Variants in CELF2 observed in about 807,000 individuals in gnomAD.
CELF2 encodes the protein CUGBP Elav-like family member 2, also known as CUG triplet repeat RNA-binding protein 2.
Under a neutral mutation model 62.6 loss-of-function variants are expected in CELF2, and 8 were observed. The ratio of observed to expected loss-of-function variants is 0.13; its 90% confidence interval spans 0.07 to 0.23. The LOEUF (loss-of-function observed/expected upper bound fraction) is 0.23. Among genes scored for constraint, CELF2 ranks in the 10% least tolerant of loss-of-function variants. The probability of loss-of-function intolerance (pLI) is 1.00; values close to 1 mark genes in which losing one functional copy is unlikely to be tolerated. For missense variants in CELF2, 333 were observed against 671.0 expected, an observed-to-expected ratio of 0.50 and a Z score of 5.56; for synonymous variants, 258 against 250.0, an observed-to-expected ratio of 1.03 and a Z score of -0.30.
At chr10:10,531,339 C>T in the CELF2 span, among the ~76,000 whole-genome samples, 1 of 152,150 alleles carries the variant, frequency 6.6e-6, no homozygotes, top group Non-Finnish European at 1.5e-5. Context: ...GTAACAGCAG[C>T]CCCCAGGTGA....
chr10:11,201,411 T>G (rs568071487), intron 2 of CELF2, among the ~76,000 whole-genome samples: 12 of 152,130 alleles, frequency 7.9e-5, no homozygotes, highest in East Asian at 7.7e-4. Context: ...TCTTTGGTTT[T>G]TGTGTGTGTG....
chr10:11,321,980 T>C lies in CELF2; in HGVS notation c.1294+594T>C, dbSNP rs565323657. On this transcript the variant is annotated intron_variant, in intron 11 of 12. Transcript: ENST00000633077. The surrounding 1 kb of genome is among the most constrained non-coding windows in gnomAD (Gnocchi z 6.2). ...CTCACCCCCTGCCATAATTAAGTTC[T>C]ATAAACTATTAATTTCCCATAAACT... Among the ~76,000 whole-genome samples, 20 of 152,368 alleles carry C rather than the reference T, an allele frequency of 1.3e-4. No individual in the cohort carries two copies. Among genetic ancestry groups the C allele is most frequent in the African/African-American group, 3.8e-4 (16 of 41,582 alleles).
At chr10:11,042,752 G>T (rs1473623346) in intron 1 of CELF2, among the ~76,000 whole-genome samples, 1 of 151,966 alleles carries the variant, frequency 6.6e-6, no homozygotes, top group Non-Finnish European at 1.5e-5. Flanking sequence ...AACTGGATTT[G>T]CCTGTTACAT....
At chr10:10,707,651 C>T in the CELF2 span, among the ~76,000 whole-genome samples, 1 of 152,140 alleles carries the variant, frequency 6.6e-6, no homozygotes, top group Non-Finnish European at 1.5e-5. Flanking sequence ...GAAGCAGAAG[C>T]GGACGAAATG....
the CELF2 span, among the ~76,000 whole-genome samples, chr10:10,651,040 G>A: frequency 7.2e-5 from 11 of 151,912 alleles, no homozygotes; most frequent in African/African-American, 2.4e-4. Flanking sequence ...GAAGCAGGGC[G>A]AGGCATTGCC....
chr10:10,617,599 C>T, the CELF2 span, among the ~76,000 whole-genome samples: 32 of 152,094 alleles, frequency 2.1e-4, no homozygotes, highest in Middle Eastern at 6.8e-3. Flanking sequence ...TTAACCCAGA[C>T]CATCTGGCTG....
intron 1 of CELF2, among the ~76,000 whole-genome samples, chr10:11,138,016 G>A (rs1328631868): frequency 6.6e-6 from 1 of 152,098 alleles, no homozygotes; most frequent in East Asian, 1.9e-4. Flanking sequence ...CAATAAAAAT[G>A]GGGGAAAAAC....
At chr10:10,642,132 A>T in the CELF2 span, among the ~76,000 whole-genome samples, 1 of 152,242 alleles carries the variant, frequency 6.6e-6, no homozygotes, top group Admixed American at 6.5e-5. Flanking sequence ...CAGATATAGC[A>T]TGAAGAGCAG....
the CELF2 span, among the ~76,000 whole-genome samples, chr10:10,625,373 C>T: frequency 1.3e-5 from 2 of 152,332 alleles, no homozygotes; most frequent in South Asian, 2.1e-4. Flanking sequence ...GCATTTGATG[C>T]TCACGGCAAC....
At chr10:10,809,852 G>A (rs1049879450) in intron 1 of CELF2, among the ~76,000 whole-genome samples, 10 of 151,966 alleles carry the variant, frequency 6.6e-5, no homozygotes, top group African/African-American at 2.4e-4. Context: ...TATGTGACTG[G>A]TAAACTCAAG....
rs1351147242 is a variant in CELF2, at chr10:11,177,547, T to C, written c.271+11865T>C. 6.6e-6 allele frequency among the ~76,000 whole-genome samples: 1 copy of C among 152,110 alleles called. No homozygotes were observed. Among genetic ancestry groups the C allele is most frequent in the Non-Finnish European group, 1.5e-5 (1 of 68,016 alleles). ...GTACACTTCCCTGCAGTGCTGGAAATGGACTTTTCCTTTGCATTTCCATGA... is the reference window on the plus strand; with the variant it reads ...GTACACTTCCCTGCAGTGCTGGAAACGGACTTTTCCTTTGCATTTCCATGA... On this transcript the variant is annotated intron_variant, in intron 2 of 12. Coordinates refer to ENST00000633077, the MANE Select transcript of CELF2 (RefSeq NM_001326342.2). The surrounding 1 kb of genome is among the most constrained non-coding windows in gnomAD (Gnocchi z 4.8).
chr10:11,087,873 G>C (rs986354246), intron 1 of CELF2, among the ~76,000 whole-genome samples: 1 of 152,192 alleles, frequency 6.6e-6, no homozygotes, highest in African/African-American at 2.4e-5. Context: ...AGGAGAAGGA[G>C]GGCCGGTCTA....
the CELF2 span, among the ~76,000 whole-genome samples, chr10:10,679,604 T>C: frequency 5.9e-5 from 9 of 152,340 alleles, no homozygotes; most frequent in Non-Finnish European, 1.0e-4. Context: ...GTTTTACTTT[T>C]AAAAACCTTT....
upstream of CELF2, among the ~76,000 whole-genome samples, chr10:11,013,698 C>G (rs1296661990): frequency 2.0e-5 from 3 of 152,224 alleles, no homozygotes; most frequent in African/African-American, 7.2e-5. This position sits in a 1 kb window ranked among gnomAD's most constrained non-coding sequence, Gnocchi z 4.1. Flanking sequence ...TTGGCATTTA[C>G]TTTTACTTAA....
chr10:11,230,235 T>C (rs564204501), intron 3 of CELF2, among the ~76,000 whole-genome samples: 3 of 152,368 alleles, frequency 2.0e-5, no homozygotes, highest in African/African-American at 7.2e-5. Flanking sequence ...TTAACTAGCT[T>C]GATTGTGATC....
chr10:10,616,479 G>A, the CELF2 span, among the ~76,000 whole-genome samples: 59 of 151,956 alleles, frequency 3.9e-4, no homozygotes, highest in African/African-American at 1.4e-3. Context: ...CAGGTTTCAG[G>A]TTCTGTATAA....
At chr10:11,276,687 G>C (rs925403819) in intron 8 of CELF2, among the ~76,000 whole-genome samples, 5 of 152,200 alleles carry the variant, frequency 3.3e-5, no homozygotes, top group African/African-American at 1.2e-4. Context: ...GTGGCCTCAG[G>C]CTTTCCTACC....
chr10:10,838,819 A>G (rs2058479586), intron 1 of CELF2, among the ~76,000 whole-genome samples: 1 of 152,030 alleles, frequency 6.6e-6, no homozygotes, highest in African/African-American at 2.4e-5. Context: ...AGAATCAGCC[A>G]TTTCTCTAGG....
At chr10:10,774,766 T>C in the CELF2 span, among the ~76,000 whole-genome samples, 2 of 152,144 alleles carry the variant, frequency 1.3e-5, no homozygotes, top group African/African-American at 4.8e-5. Flanking sequence ...AATAGGATGG[T>C]GTGGTGAGAA....
Sources: allele counts gnomAD v4.1 joint callset (sites outside exome capture counted in the v4.1 genomes callset), GRCh38; gene constraint gnomAD v4.1.1; non-coding constraint Gnocchi (gnomAD v3.1); transcripts MANE v1.5; gene names NCBI Gene and HGNC (gene_info 2026-07-23, HGNC 2026-07-21).